The following MAP2 variants were observed in gnomAD, a reference collection of about 807,000 sequenced individuals.
MAP2 encodes microtubule associated protein 2.
MAP2 carries 14 observed loss-of-function variants against 137.6 expected under a neutral mutation model. That is an observed-to-expected ratio of 0.10 (90% CI 0.07 to 0.16). MAP2 has a LOEUF of 0.16. MAP2 is among the 10% of genes least tolerant of loss of function. The probability of loss-of-function intolerance (pLI) is 1.00; values close to 1 mark genes in which losing one functional copy is unlikely to be tolerated. For synonymous variants in MAP2, 786 were observed against 782.3 expected, an observed-to-expected ratio of 1.00 and a Z score of -0.08; for missense variants, 2,088 against 2,191.5, an observed-to-expected ratio of 0.95 and a Z score of 0.94.
At chr2:209,671,416 C>T (rs772462951) in intron 5 of MAP2, among the ~76,000 whole-genome samples, 27 of 151,864 alleles carry the variant, frequency 1.8e-4, no homozygotes, top group Non-Finnish European at 3.2e-4. Flanking sequence ...TTTATGAATT[C>T]ATCTAGGGTC....
chr2:209,433,464 A>T (rs1197457947), intron 1 of MAP2, among the ~76,000 whole-genome samples: 2 of 152,142 alleles, frequency 1.3e-5, no homozygotes, highest in African/African-American at 2.4e-5. Context: ...AAGTCAGAAC[A>T]GAAGGCAGGT....
intron 4 of MAP2, among the ~76,000 whole-genome samples, chr2:209,641,247 T>C (rs996990233): frequency 6.6e-6 from 1 of 152,180 alleles, no homozygotes; most frequent in Non-Finnish European, 1.5e-5. Context: ...AGATTTACTT[T>C]TATGGTATTT....
intron 3 of MAP2, among the ~76,000 whole-genome samples, chr2:209,588,354 C>T (rs1454693835): frequency 6.6e-6 from 1 of 152,154 alleles, no homozygotes; most frequent in African/African-American, 2.4e-5. Context: ...GGTTCCATTT[C>T]AGTCTGCCTC....
chr2:209,600,008 T>C (rs1397934091), intron 3 of MAP2, among the ~76,000 whole-genome samples: 1 of 152,252 alleles, frequency 6.6e-6, no homozygotes, highest in East Asian at 1.9e-4. Context: ...AGGTAGGTGC[T>C]CAGTTCTTTC....
chr2:209,569,063 T>C (rs1370909655), intron 2 of MAP2, among the ~76,000 whole-genome samples: 3 of 151,872 alleles, frequency 2.0e-5, no homozygotes, highest in Middle Eastern at 3.4e-3. Context: ...CTAGAATAAT[T>C]TTTGTAGAAA....
chr2:209,458,729 C>G (rs1299855362), intron 1 of MAP2, among the ~76,000 whole-genome samples: 1 of 152,174 alleles, frequency 6.6e-6, no homozygotes, highest in African/African-American at 2.4e-5. Context: ...ATCACACAGG[C>G]TGCCTCCTGC....
At chr2:209,698,150 C>T (rs2060765048) in intron 10 of MAP2, among the ~76,000 whole-genome samples, 1 of 151,982 alleles carries the variant, frequency 6.6e-6, no homozygotes, top group Admixed American at 6.6e-5. Flanking sequence ...ACCCGGCCTG[C>T]TATCTACTTA....
intron 3 of MAP2, among the ~76,000 whole-genome samples, chr2:209,601,202 C>T (rs926098408): frequency 2.0e-5 from 3 of 152,258 alleles, no homozygotes; most frequent in Admixed American, 6.5e-5. Flanking sequence ...GTTATACTTA[C>T]ATTTAAAATT....
intron 13 of MAP2, among the ~76,000 whole-genome samples, chr2:209,725,005 G>T (rs1006028595): frequency 6.6e-6 from 1 of 152,202 alleles, no homozygotes; most frequent in African/African-American, 2.4e-5. Context: ...CTCTAGGAAA[G>T]AATCCCTTGT....
At chr2:209,683,889 C>T (rs1005625677) in intron 7 of MAP2, among the ~76,000 whole-genome samples, 2 of 152,000 alleles carry the variant, frequency 1.3e-5, no homozygotes, top group Non-Finnish European at 2.9e-5. Context: ...TAAAGCTGTT[C>T]TTTCCCAAAG....
intron 7 of MAP2, among the ~76,000 whole-genome samples, chr2:209,682,297 C>T (rs1410047543): frequency 3.3e-5 from 5 of 152,040 alleles, no homozygotes; most frequent in Non-Finnish European, 7.4e-5. Flanking sequence ...TCAAGATCAG[C>T]CTGGCCAACA....
chr2:209,639,073 G>A (rs1420425066), intron 4 of MAP2, among the ~76,000 whole-genome samples: 1 of 152,042 alleles, frequency 6.6e-6, no homozygotes, highest in Non-Finnish European at 1.5e-5. Flanking sequence ...ATCAGGCCCA[G>A]TGCTTTGGTC....
intron 12 of MAP2, among the ~76,000 whole-genome samples, chr2:209,706,554 GTAACTGCTTCA>G (rs2063490809): frequency 6.6e-6 from 1 of 151,830 alleles, no homozygotes; most frequent in Non-Finnish European, 1.5e-5. Flanking sequence ...TCTAGAGAGG[GTAACTGCTTCA>G]CAGTTCGCAA....
At chr2:209,715,783 A>G (rs181184292) in intron 13 of MAP2, among the ~76,000 whole-genome samples, 2,017 of 152,348 alleles carry the variant, frequency 0.013, 132 homozygotes, top group Admixed American at 0.1. Flanking sequence ...AGGAACAGCA[A>G]GTACATCAGT....
chr2:209,649,787 C>T (rs2094656434), intron 4 of MAP2, among the ~76,000 whole-genome samples: 1 of 152,128 alleles, frequency 6.6e-6, no homozygotes, highest in South Asian at 2.1e-4. Flanking sequence ...TCTGAATAGT[C>T]TTACCAGGAA....
At chr2:209,622,271 A>G (rs2091379108) in intron 3 of MAP2, among the ~76,000 whole-genome samples, 1 of 152,244 alleles carries the variant, frequency 6.6e-6, no homozygotes, top group Non-Finnish European at 1.5e-5. Flanking sequence ...AAAAGTTGCC[A>G]TCAGTGTAAT....
intron 4 of MAP2, among the ~76,000 whole-genome samples, chr2:209,648,621 CAA>C (rs1228232293): frequency 0.068 from 3,444 of 50,982 alleles, 158 homozygotes; most frequent in African/African-American, 0.18. Flanking sequence ...ACTAAAAATA[CAA>C]AAAAAAAAAA....
chr2:209,646,801 T>C (rs1255262019), intron 4 of MAP2, among the ~76,000 whole-genome samples: 1 of 152,202 alleles, frequency 6.6e-6, no homozygotes, highest in Non-Finnish European at 1.5e-5. Context: ...GTTGTTGTTG[T>C]TGTTTCTTCC....
chr2:209,597,450 G>A (rs543525743), intron 3 of MAP2, among the ~76,000 whole-genome samples: 12 of 152,122 alleles, frequency 7.9e-5, no homozygotes, highest in African/African-American at 2.7e-4. Flanking sequence ...TTATGCTCAC[G>A]TGAACTATGT....
Sources: gnomAD v4.1 joint callset for allele counts (sites outside exome capture counted in the v4.1 genomes callset) on GRCh38, gnomAD v4.1.1 for gene constraint, MANE v1.5 for transcripts, NCBI Gene and HGNC (gene_info 2026-07-23, HGNC 2026-07-21) for gene names.